The following SGCZ variants were observed in gnomAD, a reference collection of about 807,000 sequenced individuals.
SGCZ encodes the protein sarcoglycan zeta.
Under a neutral mutation model 41.3 loss-of-function variants are expected in SGCZ, and 40 were observed. The observed-to-expected ratio is 0.97, with a 90% CI of 0.75 to 1.26. SGCZ has a LOEUF of 1.26. SGCZ is among the 50% of genes most tolerant of loss of function. The pLI, the probability that SGCZ is intolerant of heterozygous loss-of-function variation, is 0.00. For missense variants in SGCZ, 552 were observed against 369.8 expected (o/e 1.49, Z -4.04); for synonymous variants, 206 against 137.5 (o/e 1.50, Z -3.49).
At chr8:14,645,486 A>G (rs186519622) in intron 1 of SGCZ, among the ~76,000 whole-genome samples, 1,826 of 143,522 alleles carry the variant, frequency 0.013, 50 homozygotes, top group South Asian at 0.026. Flanking sequence ...ATTTATATGT[A>G]TATATATATA....
chr8:15,028,026 T>A (rs1803519894), intron 1 of SGCZ, among the ~76,000 whole-genome samples: 1 of 152,176 alleles, frequency 6.6e-6, no homozygotes, highest in African/African-American at 2.4e-5. Context: ...AAGTAAATGG[T>A]AGAGTCAGAT....
At chr8:14,843,038 C>T (rs1197244803) in intron 1 of SGCZ, among the ~76,000 whole-genome samples, 1 of 152,130 alleles carries the variant, frequency 6.6e-6, no homozygotes, top group Non-Finnish European at 1.5e-5. Flanking sequence ...AGTGGTGAAA[C>T]CCCATCTCTA....
At chr8:14,260,104 GCTCT>G (rs1187099818) in intron 3 of SGCZ, among the ~76,000 whole-genome samples, 5 of 151,954 alleles carry the variant, frequency 3.3e-5, no homozygotes, top group African/African-American at 1.2e-4. Context: ...TCATGATTTG[GCTCT>G]CTGTTTGTCT....
chr8:14,285,965 T>C (rs1800607975), intron 3 of SGCZ, among the ~76,000 whole-genome samples: 1 of 152,154 alleles, frequency 6.6e-6, no homozygotes, highest in African/African-American at 2.4e-5. Context: ...TGGTTTTGTA[T>C]AATAATGTAT....
intron 7 of SGCZ, among the ~76,000 whole-genome samples, chr8:14,100,866 C>T (rs969396840): frequency 6.6e-6 from 1 of 151,796 alleles, no homozygotes; most frequent in Non-Finnish European, 1.5e-5. Context: ...CTCAACTTAT[C>T]CTTTCATTCT....
intron 2 of SGCZ, among the ~76,000 whole-genome samples, chr8:14,547,021 G>C (rs1803651148): frequency 6.6e-6 from 1 of 151,300 alleles, no homozygotes; most frequent in African/African-American, 2.4e-5. Context: ...ATATAATCTT[G>C]CTGGAAAAAA....
At chr8:14,784,424 G>A (rs1800688197) in intron 1 of SGCZ, among the ~76,000 whole-genome samples, 1 of 150,074 alleles carries the variant, frequency 6.7e-6, no homozygotes, top group Non-Finnish European at 1.5e-5. Flanking sequence ...AAAAATGTCA[G>A]CTATATCAGG....
intron 1 of SGCZ, among the ~76,000 whole-genome samples, chr8:14,583,688 G>T (rs993824021): frequency 1.7e-4 from 26 of 152,010 alleles, no homozygotes; most frequent in African/African-American, 6.0e-4. Flanking sequence ...TTAAAAATTC[G>T]AGTAGAGATG....
chr8:14,427,501 T>A (rs1483211611), intron 2 of SGCZ, among the ~76,000 whole-genome samples: 1 of 152,074 alleles, frequency 6.6e-6, no homozygotes, highest in East Asian at 1.9e-4. Context: ...GGGTTCCCAC[T>A]CCCCACTCGT....
chr8:14,505,180 T>C (rs990467150), intron 2 of SGCZ, among the ~76,000 whole-genome samples: 2 of 151,784 alleles, frequency 1.3e-5, no homozygotes, highest in Non-Finnish European at 2.9e-5. Context: ...ATAGAAAATA[T>C]TTTTTTTCAC....
intron 1 of SGCZ, among the ~76,000 whole-genome samples, chr8:14,882,519 T>C (rs1174523704): frequency 3.9e-5 from 6 of 152,156 alleles, no homozygotes; most frequent in African/African-American, 1.4e-4. Context: ...ACACACTTAT[T>C]ACTGCTATGT....
intron 2 of SGCZ, 133 bp downstream of exon 2, chr8:14,554,599 A>G (rs1803973128): frequency 2.7e-6 from 2 of 749,954 alleles, no homozygotes; most frequent in Admixed American, 3.1e-5. Flanking sequence ...ATAAAATATT[A>G]TTTTCTTTGG....
chr8:14,625,090 T>G (rs980037570), intron 1 of SGCZ, among the ~76,000 whole-genome samples: 1 of 152,212 alleles, frequency 6.6e-6, no homozygotes, highest in Admixed American at 6.5e-5. Context: ...TGTTGTCATC[T>G]TATTTGACAG....
At chr8:14,655,830 A>G (rs1035339924) in intron 1 of SGCZ, among the ~76,000 whole-genome samples, 1 of 152,074 alleles carries the variant, frequency 6.6e-6, no homozygotes, top group African/African-American at 2.4e-5. Flanking sequence ...GAATGTTGTC[A>G]TTTAGGAGTG....
intron 1 of SGCZ, among the ~76,000 whole-genome samples, chr8:14,724,171 G>A (rs1316891281): frequency 6.6e-6 from 1 of 152,000 alleles, no homozygotes. Flanking sequence ...GAGAACAAAG[G>A]CTTTCCAGTA....
intron 4 of SGCZ, among the ~76,000 whole-genome samples, chr8:14,210,854 G>A (rs1308033394): frequency 6.6e-6 from 1 of 152,142 alleles, no homozygotes; most frequent in African/African-American, 2.4e-5. Flanking sequence ...TTAGATAACT[G>A]CATCATAACT....
At chr8:14,777,165 T>C (rs1395207267) in intron 1 of SGCZ, among the ~76,000 whole-genome samples, 2 of 152,324 alleles carry the variant, frequency 1.3e-5, no homozygotes, top group African/African-American at 2.4e-5. Flanking sequence ...CATGGACGTT[T>C]ATCTAAAGTT....
chr8:14,576,642 G>T (rs574071318), intron 1 of SGCZ, among the ~76,000 whole-genome samples: 34 of 152,148 alleles, frequency 2.2e-4, no homozygotes, highest in Non-Finnish European at 4.9e-4. Flanking sequence ...AAAGCCATAG[G>T]CATTCTTTCA....
chr8:14,899,714 G>A (rs1299631742), intron 1 of SGCZ, among the ~76,000 whole-genome samples: 2 of 152,036 alleles, frequency 1.3e-5, no homozygotes, highest in East Asian at 3.9e-4. Flanking sequence ...ATGGGAGAGA[G>A]GAGGGTAGAA....
Sources: allele counts gnomAD v4.1 joint callset (sites outside exome capture counted in the v4.1 genomes callset), GRCh38; gene constraint gnomAD v4.1.1; transcripts MANE v1.5; gene names NCBI Gene and HGNC (gene_info 2026-07-23, HGNC 2026-07-21).